The following KLRG1 variants were observed in gnomAD, a reference collection of about 807,000 sequenced individuals.
KLRG1 encodes the protein killer cell lectin like receptor G1, also known as killer cell lectin-like receptor subfamily G member 1.
Under a neutral mutation model 21.8 loss-of-function variants are expected in KLRG1, and 16 were observed. The observed-to-expected ratio is 0.73, with a 90% CI of 0.50 to 1.11. The LOEUF (loss-of-function observed/expected upper bound fraction) is 1.11, where lower values mean the gene tolerates loss of function less well. Ranked by LOEUF, KLRG1 falls within the 50% of genes most tolerant of loss-of-function variation. The pLI, the probability that KLRG1 is intolerant of heterozygous loss-of-function variation, is 0.00. For synonymous variants in KLRG1, 69 were observed against 75.9 expected (o/e 0.91, Z 0.47); for missense variants, 173 against 218.3 (o/e 0.79, Z 1.31).
the KLRG1 span, chr12:9,203,893 C>T: frequency 1.2e-6 from 2 of 1,614,144 alleles, no homozygotes; most frequent in East Asian, 4.5e-5. Flanking sequence ...CTCAGAAGGA[C>T]ACAGCCCTTC....
the KLRG1 span, chr12:9,111,445 T>C: frequency 2.2e-6 from 1 of 450,600 alleles, no homozygotes; most frequent in South Asian, 1.6e-5. Context: ...AAGGTTATTG[T>C]AATGATCTTA....
At chr12:9,083,521 A>C in the KLRG1 span, among the ~76,000 whole-genome samples, 1 of 152,106 alleles carries the variant, frequency 6.6e-6, no homozygotes, top group Non-Finnish European at 1.5e-5. Flanking sequence ...TTAAAAATTC[A>C]AAGTAAGCTC....
chr12:9,084,790 C>G, the KLRG1 span, among the ~76,000 whole-genome samples: 11 of 151,950 alleles, frequency 7.2e-5, no homozygotes, highest in Admixed American at 3.9e-4. Context: ...AGAGACTCAC[C>G]TAATTTTTAA....
chr12:9,128,205 C>T, the KLRG1 span: 1 of 198,154 alleles, frequency 5.0e-6, no homozygotes. Context: ...GATTCTGCTC[C>T]AGGCATTGGT....
chr12:9,101,686 GA>G, the KLRG1 span: 1 of 1,568,920 alleles, frequency 6.4e-7, no homozygotes, highest in Non-Finnish European at 8.7e-7. Flanking sequence ...TAATGAATTA[GA>G]AAAATTATAT....
chr12:9,069,528 G>A, the KLRG1 span, among the ~76,000 whole-genome samples: 1 of 152,018 alleles, frequency 6.6e-6, no homozygotes, highest in South Asian at 2.1e-4. Context: ...GGGATTTTAG[G>A]AATATTCATA....
the KLRG1 span, chr12:9,202,504 C>T: frequency 6.2e-7 from 1 of 1,613,670 alleles, no homozygotes; most frequent in Non-Finnish European, 8.5e-7. Context: ...TTGCCCCAAA[C>T]AGTGGAATTT....
At chr12:8,993,292 T>G (rs914682812) in intron 2 of KLRG1, among the ~76,000 whole-genome samples, 7 of 152,060 alleles carry the variant, frequency 4.6e-5, no homozygotes, top group African/African-American at 1.7e-4. Context: ...TTTTTTAAAT[T>G]TTTTTAAAAA....
At chr12:9,190,602 T>C in the KLRG1 span, among the ~76,000 whole-genome samples, 1 of 152,046 alleles carries the variant, frequency 6.6e-6, no homozygotes, top group South Asian at 2.1e-4. Context: ...GTAGTAGGCT[T>C]AGAACCTGGG....
the KLRG1 span, chr12:9,110,333 A>AGTATACTTTTG: frequency 6.9e-7 from 1 of 1,440,754 alleles, no homozygotes; most frequent in Non-Finnish European, 9.3e-7. Flanking sequence ...TACTAGTGGA[A>AGTATACTTTTG]TCTGAAAGAC....
At chr12:9,083,394 AAAG>A in the KLRG1 span, among the ~76,000 whole-genome samples, 140 of 152,274 alleles carry the variant, frequency 9.2e-4, no homozygotes, top group African/African-American at 3.3e-3. Flanking sequence ...TATAAAAAAA[AAAG>A]AAATAGAAAC....
At chr12:9,105,779 T>C in the KLRG1 span, among the ~76,000 whole-genome samples, 4 of 152,252 alleles carry the variant, frequency 2.6e-5, no homozygotes, top group Admixed American at 2.6e-4. Context: ...ATAAACATTA[T>C]TGTAGAATCT....
At chr12:9,103,989 T>C in the KLRG1 span, among the ~76,000 whole-genome samples, 1 of 152,248 alleles carries the variant, frequency 6.6e-6, no homozygotes, top group Non-Finnish European at 1.5e-5. Flanking sequence ...GGAACTACTA[T>C]ACTGTTTTTC....
chr12:9,115,200 G>A, the KLRG1 span: 2 of 153,102 alleles, frequency 1.3e-5, no homozygotes, highest in African/African-American at 4.8e-5. Flanking sequence ...TCACTCATCA[G>A]CTGGTATTTC....
chr12:8,991,694 C>A (rs191067092), intron 1 of KLRG1, among the ~76,000 whole-genome samples: 2 of 152,122 alleles, frequency 1.3e-5, no homozygotes, highest in African/African-American at 4.8e-5. Context: ...GCTATATATT[C>A]ACTTTATGGA....
At chr12:9,184,814 C>G in the KLRG1 span, among the ~76,000 whole-genome samples, 1 of 152,212 alleles carries the variant, frequency 6.6e-6, no homozygotes, top group Non-Finnish European at 1.5e-5. Flanking sequence ...GAGCCTTGCT[C>G]CTCCCTGCCT....
At chr12:9,195,468 C>T in the KLRG1 span, among the ~76,000 whole-genome samples, 19 of 150,946 alleles carry the variant, frequency 1.3e-4, no homozygotes, top group African/African-American at 4.4e-4. Context: ...TTTTCTTTCA[C>T]AACTGGTCTC....
At chr12:8,996,798 GT>G (rs2137363855) in intron 3 of KLRG1, among the ~76,000 whole-genome samples, 1 of 152,262 alleles carries the variant, frequency 6.6e-6, no homozygotes, top group Non-Finnish European at 1.5e-5. Context: ...TCTGGACCTT[GT>G]TGTAGCAACT....
chr12:9,112,630 C>G, the KLRG1 span: 1 of 1,368,278 alleles, frequency 7.3e-7, no homozygotes, highest in Non-Finnish European at 1.0e-6. Context: ...TCTTGCCCTT[C>G]TTACTTAACT....
Sources: allele counts gnomAD v4.1 joint callset (sites outside exome capture counted in the v4.1 genomes callset), GRCh38; gene constraint gnomAD v4.1.1; transcripts MANE v1.5; gene names NCBI Gene and HGNC (gene_info 2026-07-23, HGNC 2026-07-21).